AGMO: variants seen among roughly 807,000 people sequenced by gnomAD.
AGMO encodes the protein glyceryl-ether monooxygenase.
A neutral mutation model predicts 60.2 loss-of-function variants in AGMO; 75 were observed. The ratio of observed to expected loss-of-function variants is 1.25; its 90% CI spans 1.03 to 1.51. The LOEUF is 1.51. Among genes scored for constraint, AGMO ranks in the 40% most tolerant of loss-of-function variants. The pLI, the probability that AGMO is intolerant of heterozygous loss-of-function variation, is 0.00. For synonymous variants in AGMO, 261 were observed against 177.1 expected, an observed-to-expected ratio of 1.47 and a Z score of -3.76; for missense variants, 763 against 525.5, an observed-to-expected ratio of 1.45 and a Z score of -4.42.
chr7:15,416,055 A>G (rs1006607047), intron 5 of AGMO, among the ~76,000 whole-genome samples: 1 of 133,856 alleles, frequency 7.5e-6, no homozygotes, highest in Non-Finnish European at 1.5e-5. Flanking sequence ...GGAGGTGGGC[A>G]GGGAGTCTCC....
chr7:15,326,616 T>C (rs1285853010), intron 12 of AGMO, among the ~76,000 whole-genome samples: 3 of 152,202 alleles, frequency 2.0e-5, no homozygotes, highest in Non-Finnish European at 4.4e-5. Flanking sequence ...GTGTTGACCA[T>C]ATATTTCTCT....
chr7:15,352,486 G>T (rs1782281745), intron 12 of AGMO, among the ~76,000 whole-genome samples: 1 of 148,356 alleles, frequency 6.7e-6, no homozygotes. Flanking sequence ...TGCAAAGGAA[G>T]AATAATGAGC....
intron 3 of AGMO, among the ~76,000 whole-genome samples, chr7:15,508,372 G>A (rs776012123): frequency 2.0e-5 from 3 of 152,070 alleles, no homozygotes; most frequent in Non-Finnish European, 4.4e-5. Context: ...GTTGACATCT[G>A]TAAAGTAACT....
At chr7:15,460,085 T>C (rs1782104991) in intron 3 of AGMO, among the ~76,000 whole-genome samples, 2 of 149,228 alleles carry the variant, frequency 1.3e-5, no homozygotes, top group Admixed American at 6.7e-5. Flanking sequence ...AGTTTCAAAG[T>C]AATTATTTAC....
At chr7:15,377,317 C>T (rs1026355979) in intron 10 of AGMO, among the ~76,000 whole-genome samples, 1 of 152,096 alleles carries the variant, frequency 6.6e-6, no homozygotes, top group African/African-American at 2.4e-5. Context: ...ACTCTACTTT[C>T]AGTTTGTAAA....
At chr7:15,349,681 T>C (rs1782164609) in intron 12 of AGMO, among the ~76,000 whole-genome samples, 2 of 151,892 alleles carry the variant, frequency 1.3e-5, no homozygotes, top group South Asian at 4.2e-4. Flanking sequence ...AGAAAAGAGG[T>C]TTAATTGACT....
chr7:15,346,730 A>C (rs1411935664), intron 12 of AGMO, among the ~76,000 whole-genome samples: 3 of 151,914 alleles, frequency 2.0e-5, no homozygotes, highest in Non-Finnish European at 4.4e-5. Context: ...AATCAACTTG[A>C]CCCTAAGTAA....
At chr7:15,361,440 T>G (rs1346443595) in intron 12 of AGMO, among the ~76,000 whole-genome samples, 2 of 149,050 alleles carry the variant, frequency 1.3e-5, no homozygotes, top group African/African-American at 5.0e-5. Flanking sequence ...CTCAGGAAGC[T>G]GAGGTGGGAG....
At chr7:15,507,907 AG>A (rs1410488544) in intron 3 of AGMO, among the ~76,000 whole-genome samples, 4 of 152,042 alleles carry the variant, frequency 2.6e-5, no homozygotes, top group African/African-American at 9.7e-5. Flanking sequence ...TGGATATGAA[AG>A]GGGTGGGATA....
chr7:15,252,750 G>C (rs140296025), intron 12 of AGMO, among the ~76,000 whole-genome samples: 3 of 152,172 alleles, frequency 2.0e-5, no homozygotes, highest in Admixed American at 2.0e-4. Flanking sequence ...TAGATTTCCA[G>C]CTGGAACTGT....
chr7:15,410,878 A>G (rs1238169715), intron 5 of AGMO, among the ~76,000 whole-genome samples: 1 of 151,766 alleles, frequency 6.6e-6, no homozygotes, highest in African/African-American at 2.4e-5. Flanking sequence ...CATTATTTTA[A>G]TTGTTAGATT....
intron 12 of AGMO, among the ~76,000 whole-genome samples, chr7:15,354,812 T>A (rs1782457918): frequency 6.6e-6 from 1 of 151,386 alleles, no homozygotes; most frequent in Non-Finnish European, 1.5e-5. Flanking sequence ...CCTGAATTTT[T>A]TCTCGTAATT....
intron 10 of AGMO, among the ~76,000 whole-genome samples, chr7:15,376,155 T>C (rs547144277): frequency 1.3e-5 from 2 of 152,254 alleles, no homozygotes; most frequent in South Asian, 2.1e-4. Flanking sequence ...TGCCTTTGTA[T>C]TATAATTGAT....
chr7:15,537,720 T>C (rs1236918448), intron 3 of AGMO, among the ~76,000 whole-genome samples: 1 of 152,122 alleles, frequency 6.6e-6, no homozygotes, highest in Non-Finnish European at 1.5e-5. Flanking sequence ...CCCTTGATAA[T>C]AGCCATAATC....
chr7:15,319,177 A>C (rs1228605956), intron 12 of AGMO, among the ~76,000 whole-genome samples: 1 of 152,148 alleles, frequency 6.6e-6, no homozygotes, highest in Non-Finnish European at 1.5e-5. Flanking sequence ...AATCTTGGCA[A>C]CCAATCCCTG....
chr7:15,335,016 T>C (rs188749493), intron 12 of AGMO, among the ~76,000 whole-genome samples: 1 of 152,318 alleles, frequency 6.6e-6, no homozygotes, highest in Admixed American at 6.5e-5. Flanking sequence ...GCTAGCTTTA[T>C]GTTGTAAATT....
chr7:15,423,638 G>A (rs1583536541), intron 4 of AGMO, among the ~76,000 whole-genome samples: 1 of 152,192 alleles, frequency 6.6e-6, no homozygotes, highest in Admixed American at 6.5e-5. Flanking sequence ...TTAATTAGGT[G>A]GGCCCTAATC....
chr7:15,462,711 T>C (rs1782176946), intron 3 of AGMO, among the ~76,000 whole-genome samples: 1 of 152,154 alleles, frequency 6.6e-6, no homozygotes, highest in Admixed American at 6.6e-5. Context: ...TTAAGCTCTA[T>C]CATGTGATTG....
intron 12 of AGMO, among the ~76,000 whole-genome samples, chr7:15,246,894 A>T (rs984695027): frequency 2.6e-5 from 4 of 152,082 alleles, no homozygotes; most frequent in African/African-American, 9.7e-5. Context: ...GGCACACTAG[A>T]AATCTATTTT....
Sources: allele counts gnomAD v4.1 joint callset (sites outside exome capture counted in the v4.1 genomes callset), GRCh38; gene constraint gnomAD v4.1.1; transcripts MANE v1.5; gene names NCBI Gene and HGNC (gene_info 2026-07-23, HGNC 2026-07-21).